The following SMOC2 variants were observed in gnomAD, a reference collection of about 807,000 sequenced individuals.
The protein encoded by SMOC2 is SPARC related modular calcium binding 2.
In SMOC2, 39 loss-of-function variants were observed where a neutral mutation model predicts 61.4. The observed-to-expected ratio is 0.64, with a 90% CI of 0.49 to 0.83. The LOEUF (loss-of-function observed/expected upper bound fraction) is 0.83, where lower values mean the gene tolerates loss of function less well. Ranked by LOEUF, SMOC2 falls within the 40% of genes least tolerant of loss-of-function variation. The probability of loss-of-function intolerance (pLI) is 0.00; values close to 1 mark genes in which losing one functional copy is unlikely to be tolerated. For synonymous variants in SMOC2, 247 were observed against 239.9 expected (o/e 1.03, Z -0.27); for missense variants, 556 against 592.9 (o/e 0.94, Z 0.65).
At chr6:168,596,347 C>T (rs1004692843) in intron 7 of SMOC2, among the ~76,000 whole-genome samples, 4 of 145,922 alleles carry the variant, frequency 2.7e-5, no homozygotes, top group African/African-American at 7.6e-5. Context: ...CATGTGAACA[C>T]GGCAGTGATG....
At chr6:168,566,642 C>T (rs772417824) in intron 7 of SMOC2, among the ~76,000 whole-genome samples, 4 of 151,922 alleles carry the variant, frequency 2.6e-5, no homozygotes, top group Non-Finnish European at 4.4e-5. Flanking sequence ...GCACCACACC[C>T]GGCCAATTTT....
intron 4 of SMOC2, among the ~76,000 whole-genome samples, chr6:168,541,957 C>G (rs928199797): frequency 3.3e-5 from 5 of 152,126 alleles, no homozygotes; most frequent in African/African-American, 1.2e-4. Flanking sequence ...TCTGTCTGTA[C>G]AGTGCAAAAT....
intron 9 of SMOC2, among the ~76,000 whole-genome samples, chr6:168,626,517 A>T (rs1786414315): frequency 6.6e-6 from 1 of 152,208 alleles, no homozygotes; most frequent in Non-Finnish European, 1.5e-5. Context: ...TTCCGCAGAC[A>T]GGCCTGAGGC....
intron 4 of SMOC2, among the ~76,000 whole-genome samples, chr6:168,536,718 G>A (rs1014770559): frequency 6.6e-6 from 1 of 152,170 alleles, no homozygotes; most frequent in African/African-American, 2.4e-5. Flanking sequence ...GACCTGGGCT[G>A]TGCCACCCCC....
intron 7 of SMOC2, among the ~76,000 whole-genome samples, chr6:168,555,157 C>CT (rs1306945529): frequency 6.6e-6 from 1 of 152,218 alleles, no homozygotes; most frequent in Non-Finnish European, 1.5e-5. Context: ...CAAGTCGGGA[C>CT]TTTCCTTCTT....
intron 3 of SMOC2, 49 bp from the exon 4 acceptor site, chr6:168,527,579 G>T (rs533650842): frequency 9.4e-6 from 13 of 1,386,206 alleles, no homozygotes; most frequent in East Asian, 5.0e-5. Flanking sequence ...GCCGTGAGGC[G>T]CTGCGCCACG....
intron 4 of SMOC2, among the ~76,000 whole-genome samples, chr6:168,531,222 G>A (rs1783594783): frequency 6.6e-6 from 1 of 152,150 alleles, no homozygotes; most frequent in Non-Finnish European, 1.5e-5. Context: ...TCAATTTTGT[G>A]ATTGCAGAGG....
intron 1 of SMOC2, among the ~76,000 whole-genome samples, chr6:168,509,636 C>T (rs114502038): frequency 4.0e-4 from 61 of 152,330 alleles, no homozygotes; most frequent in African/African-American, 1.3e-3. Context: ...ACTAGGCACA[C>T]GTGCACCCCC....
chr6:168,535,358 T>G lies in SMOC2; in HGVS notation c.463+7631T>G, dbSNP rs1783707467. 6.6e-6 allele frequency among the ~76,000 whole-genome samples: 1 copy of G among 152,208 alleles called. No homozygotes were observed. The highest frequency in any genetic ancestry group is 6.5e-5 in the Admixed American group (1 of 15,280). On this transcript the variant is annotated intron_variant, in intron 4 of 12. Coordinates refer to ENST00000356284, the MANE Select transcript of SMOC2 (RefSeq NM_001166412.2). The surrounding 1 kb of genome is among the most constrained non-coding windows in gnomAD (Gnocchi z 4.6). ...CAAATGCTAATTATTTTACAGCACCTTTTTTCACTATATGCAGCTACAACA... is the reference window on the plus strand; with the variant it reads ...CAAATGCTAATTATTTTACAGCACCGTTTTTCACTATATGCAGCTACAACA...
chr6:168,451,621 CTCTCT>C (rs1562535982), intron 1 of SMOC2, among the ~76,000 whole-genome samples: 19 of 151,848 alleles, frequency 1.3e-4, no homozygotes, highest in Non-Finnish European at 2.5e-4. Context: ...CTCTCTCTCT[CTCTCT>C]CTCCCTCCCT....
intron 7 of SMOC2, among the ~76,000 whole-genome samples, chr6:168,596,333 G>T (rs996725844): frequency 1.4e-5 from 2 of 143,808 alleles, no homozygotes; most frequent in Non-Finnish European, 3.1e-5. Context: ...GAATGAACAG[G>T]TGCCATGTGA....
intron 4 of SMOC2, among the ~76,000 whole-genome samples, chr6:168,532,225 T>C (rs9355223): frequency 0.68 from 103,489 of 151,848 alleles, 37,396 homozygotes; most frequent in Non-Finnish European, 0.8. Flanking sequence ...GGTCTGTAGA[T>C]GGCTTTATGC....
chr6:168,519,189 GTGTA>G (rs200776249), intron 2 of SMOC2, among the ~76,000 whole-genome samples: 17,224 of 148,694 alleles, frequency 0.12, 1,158 homozygotes, highest in South Asian at 0.2. Flanking sequence ...ATGCGTGCAT[GTGTA>G]TGTGTGTGTA....
intron 2 of SMOC2, among the ~76,000 whole-genome samples, chr6:168,514,254 G>A (rs185076069): frequency 1.9e-4 from 29 of 152,096 alleles, no homozygotes; most frequent in Admixed American, 5.9e-4. Context: ...GACACACAGC[G>A]CCCACCAAGA....
chr6:168,570,587 G>A (rs775884937), intron 7 of SMOC2, among the ~76,000 whole-genome samples: 3 of 152,126 alleles, frequency 2.0e-5, no homozygotes, highest in South Asian at 2.1e-4. Context: ...AAAGCAAATC[G>A]GAGGCACTGA....
chr6:168,503,683 T>G (rs1224803451), intron 1 of SMOC2, among the ~76,000 whole-genome samples: 1 of 152,118 alleles, frequency 6.6e-6, no homozygotes, highest in Non-Finnish European at 1.5e-5. Flanking sequence ...GCATTAACTC[T>G]CCCCTGTTGG....
At chr6:168,517,397 G>A (rs184815538) in intron 2 of SMOC2, among the ~76,000 whole-genome samples, 1 of 152,356 alleles carries the variant, frequency 6.6e-6, no homozygotes, top group East Asian at 1.9e-4. Context: ...GAGGAACAGC[G>A]GGCAGCAGTG....
At chr6:168,644,731 C>T (rs1158489947) in intron 9 of SMOC2, among the ~76,000 whole-genome samples, 1 of 145,566 alleles carries the variant, frequency 6.9e-6, no homozygotes, top group Non-Finnish European at 1.5e-5. Flanking sequence ...CTCACTGCAA[C>T]CTCCACCTCC....
intron 12 of SMOC2, chr6:168,665,300 TGG>T: frequency 6.5e-6 from 1 of 154,160 alleles, no homozygotes; most frequent in Non-Finnish European, 1.4e-5. Flanking sequence ...AGTGCCTGCG[TGG>T]ACACGCGGAC....
Sources: gnomAD v4.1 joint callset for allele counts (sites outside exome capture counted in the v4.1 genomes callset) on GRCh38, gnomAD v4.1.1 for gene constraint, Gnocchi (gnomAD v3.1) non-coding constraint, MANE v1.5 for transcripts, NCBI Gene and HGNC (gene_info 2026-07-23, HGNC 2026-07-21) for gene names.